CASTOR2: variants seen among roughly 807,000 people sequenced by gnomAD.
CASTOR2 encodes the protein cytosolic arginine sensor for mTORC1 subunit 2.
Under a neutral mutation model 31.2 loss-of-function variants are expected in CASTOR2, and 8 were observed. That is an observed-to-expected ratio of 0.26 (90% CI 0.15 to 0.46). The LOEUF is 0.46. Ranked by LOEUF, CASTOR2 falls within the 20% of genes least tolerant of loss-of-function variation. The probability of loss-of-function intolerance (pLI) is 0.99; values close to 1 mark genes in which losing one functional copy is unlikely to be tolerated. For synonymous variants in CASTOR2, 162 were observed against 158.7 expected, an observed-to-expected ratio of 1.02 and a Z score of -0.16; for missense variants, 216 against 382.1, an observed-to-expected ratio of 0.57 and a Z score of 3.62.
At chr7:75,019,389 A>T (rs2131955293) in intron 5 of CASTOR2, among the ~76,000 whole-genome samples, 1 of 152,042 alleles carries the variant, frequency 6.6e-6, no homozygotes, top group East Asian at 1.9e-4. Flanking sequence ...CTGAGTGGGG[A>T]GACACAGACC....
intron 7 of CASTOR2, among the ~76,000 whole-genome samples, chr7:75,023,296 A>C (rs1334679412): frequency 6.6e-6 from 1 of 152,112 alleles, no homozygotes; most frequent in Non-Finnish European, 1.5e-5. Context: ...CGACAGAGCG[A>C]GAGTCCACCT....
In CASTOR2 at chr7:75,025,956, C is replaced by A. The variant is rs906148831; in HGVS notation, c.*1257C>A. The stretch of plus-strand genomic sequence containing the variant: ...CTAGGAGCAGAGATCTGTTACAAGA[C>A]GCTGGAGCCGCTGGCACCCCACATG... On this transcript the variant is annotated 3_prime_UTR_variant, in exon 9 of 9. Coordinates refer to ENST00000616305, the MANE Select transcript of CASTOR2 (RefSeq NM_001145064.3). Among the ~76,000 whole-genome samples the A allele has an allele frequency of 1.3e-5, 2 of 152,138 alleles. No homozygotes were observed. The highest frequency in any genetic ancestry group is 4.8e-5 in the African/African-American group (2 of 41,428).
intron 1 of CASTOR2, among the ~76,000 whole-genome samples, chr7:74,991,718 G>A (rs1804215541): frequency 6.6e-6 from 1 of 152,104 alleles, no homozygotes; most frequent in African/African-American, 2.4e-5. Flanking sequence ...TCAACCCTAA[G>A]ACCTGAAGGC....
At position 75,026,126 on chromosome 7, in the gene CASTOR2, C is replaced by T. The variant is rs920395308; in HGVS notation, c.*1427C>T. Among the ~76,000 whole-genome samples the T allele has an allele frequency of 6.6e-6, 1 of 150,804 alleles. No individual in the cohort carries two copies. ...CATGGGGTTAGCCGTGGTGTCCCTTCCAGTGGGGTGGTTTTCTGAATGAGC... is the reference window on the plus strand; with the variant it reads ...CATGGGGTTAGCCGTGGTGTCCCTTTCAGTGGGGTGGTTTTCTGAATGAGC... On this transcript the variant is annotated 3_prime_UTR_variant, in exon 9 of 9. Coordinates refer to ENST00000616305, the MANE Select transcript of CASTOR2 (RefSeq NM_001145064.3).
intron 1 of CASTOR2, among the ~76,000 whole-genome samples, chr7:74,975,031 C>G (rs1296380857): frequency 5.4e-5 from 8 of 147,992 alleles, no homozygotes; most frequent in African/African-American, 2.0e-4. Context: ...TGCAGTGGCA[C>G]GATCTCGGCT....
intron 1 of CASTOR2, among the ~76,000 whole-genome samples, chr7:74,986,723 A>G (rs1804075244): frequency 6.6e-6 from 1 of 152,110 alleles, no homozygotes; most frequent in Admixed American, 6.6e-5. Context: ...TGCCCTGCAC[A>G]CCACGTATGT....
At chr7:75,022,057 A>C in intron 7 of CASTOR2, 101 bp downstream of exon 7, 1 of 1,386,718 alleles carries the variant, frequency 7.2e-7, no homozygotes, top group East Asian at 2.5e-5. Flanking sequence ...TGGGGGGTAC[A>C]GATGGGGAGA....
intron 1 of CASTOR2, among the ~76,000 whole-genome samples, chr7:74,991,074 GA>G (rs587606119): frequency 2.1e-4 from 29 of 136,544 alleles, no homozygotes; most frequent in East Asian, 1.1e-3. Flanking sequence ...ACCCTGTCTG[GA>G]AAAAAAAAAA....
chr7:75,022,178 C>T (rs975802836), intron 7 of CASTOR2, among the ~76,000 whole-genome samples: 8 of 152,086 alleles, frequency 5.3e-5, no homozygotes, highest in Non-Finnish European at 1.2e-4. Context: ...TTTATTTTGC[C>T]CCCTCTTGAA....
intron 1 of CASTOR2, among the ~76,000 whole-genome samples, chr7:74,989,263 CTTTTT>C (rs34799228): frequency 6.9e-6 from 1 of 145,314 alleles, no homozygotes; most frequent in Admixed American, 6.9e-5. Flanking sequence ...CACGCCTGGC[CTTTTT>C]TTTTTTTTTG....
intron 1 of CASTOR2, among the ~76,000 whole-genome samples, chr7:74,995,809 G>GAA (rs1187160895): frequency 2.3e-5 from 3 of 131,040 alleles, no homozygotes; most frequent in African/African-American, 2.8e-5. Flanking sequence ...CTCCATCTCA[G>GAA]AAAAAAAAAA....
Position 75,024,929 on chromosome 7 carries a change from T to G in CASTOR2, c.*230T>G. On this transcript the variant is annotated 3_prime_UTR_variant, in exon 9 of 9. Coordinates refer to ENST00000616305, the MANE Select transcript of CASTOR2 (RefSeq NM_001145064.3). ...CCCCCGACCCTCCAGAGAACGACCTTTCTCTTCCCTACCTCCCCCACCCCG... is the reference window on the plus strand; with the variant it reads ...CCCCCGACCCTCCAGAGAACGACCTGTCTCTTCCCTACCTCCCCCACCCCG... 1 of 995,966 alleles carries G rather than the reference T, an allele frequency of 1.0e-6. No individual in the cohort carries two copies. 61.7% of individuals were successfully genotyped at this position (995,966 alleles called of 1,614,324 possible).
chr7:75,012,965 T>G (rs1351796063), intron 2 of CASTOR2, among the ~76,000 whole-genome samples: 1 of 152,128 alleles, frequency 6.6e-6, no homozygotes, highest in Non-Finnish European at 1.5e-5. Context: ...AGTTTTTGTG[T>G]TTTTTTGTAG....
At chr7:75,000,202 G>A (rs1376699544) in intron 1 of CASTOR2, among the ~76,000 whole-genome samples, 1 of 152,158 alleles carries the variant, frequency 6.6e-6, no homozygotes, top group Admixed American at 6.6e-5. Flanking sequence ...CTCCAGCCTG[G>A]GTGACAGAGC....
At chr7:75,003,534 A>T in intron 1 of CASTOR2, among the ~76,000 whole-genome samples, 1 of 151,994 alleles carries the variant, frequency 6.6e-6, no homozygotes, top group East Asian at 1.9e-4. Context: ...GCAGATCACG[A>T]GGTCAGGAGA....
At chr7:75,000,648 G>T (rs1804474074) in intron 1 of CASTOR2, among the ~76,000 whole-genome samples, 1 of 151,996 alleles carries the variant, frequency 6.6e-6, no homozygotes, top group Admixed American at 6.6e-5. Flanking sequence ...CGCTGGCCAG[G>T]CTCTTTTTTG....
chr7:74,996,112 G>A (rs1804340885), intron 1 of CASTOR2, among the ~76,000 whole-genome samples: 1 of 152,174 alleles, frequency 6.6e-6, no homozygotes, highest in African/African-American at 2.4e-5. Context: ...AGAGGTCTGG[G>A]GGAGGGAGGG....
intron 1 of CASTOR2, among the ~76,000 whole-genome samples, chr7:74,988,383 C>A (rs1342680524): frequency 6.6e-6 from 1 of 151,382 alleles, no homozygotes; most frequent in Non-Finnish European, 1.5e-5. Context: ...CTGCAAGCTC[C>A]GCCTCCCGGG....
intron 1 of CASTOR2, among the ~76,000 whole-genome samples, chr7:74,996,733 TTTTTTTTTTTTTG>T (rs1309992368): frequency 1.6e-4 from 19 of 115,862 alleles, no homozygotes; most frequent in East Asian, 1.1e-3. Flanking sequence ...TTTTTTTTTT[TTTTTTTTTTTTTG>T]GAGACAGAAT....
Sources: allele counts gnomAD v4.1 joint callset (sites outside exome capture counted in the v4.1 genomes callset), GRCh38; gene constraint gnomAD v4.1.1; transcripts MANE v1.5; gene names NCBI Gene and HGNC (gene_info 2026-07-23, HGNC 2026-07-21).